Variants in MTNAP1 observed in about 807,000 individuals in gnomAD.
MTNAP1 encodes mitochondrial nucleoid associated protein 1.
chr17:73,235,046 A>G, the MTNAP1 span, among the ~76,000 whole-genome samples: 1 of 151,774 alleles, frequency 6.6e-6, no homozygotes, highest in Non-Finnish European at 1.5e-5. Context: ...ACACGGTGAA[A>G]CCCCGTCTTT....
chr17:73,235,915 A>C, the MTNAP1 span: 1 of 1,614,204 alleles, frequency 6.2e-7, no homozygotes, highest in Non-Finnish European at 8.5e-7. Context: ...CGCATCAGAG[A>C]AAACCTCTCC....
At chr17:73,241,019 A>T in the MTNAP1 span, among the ~76,000 whole-genome samples, 1 of 152,236 alleles carries the variant, frequency 6.6e-6, no homozygotes, top group Non-Finnish European at 1.5e-5. Context: ...CACACTTGCT[A>T]AACCTGTTGT....
the MTNAP1 span, chr17:73,247,405 C>T: frequency 6.5e-7 from 1 of 1,535,920 alleles, no homozygotes; most frequent in African/African-American, 1.4e-5. Flanking sequence ...CCCTGTGTTG[C>T]CCACTGAATT....
the MTNAP1 span, chr17:73,232,455 G>A: frequency 2.4e-6 from 2 of 841,670 alleles, no homozygotes; most frequent in Non-Finnish European, 3.5e-6. Context: ...CCCCTGGGGT[G>A]GCAGAAGCGC....
At chr17:73,236,571 C>G in the MTNAP1 span, 147 of 1,614,146 alleles carry the variant, frequency 9.1e-5, no homozygotes, top group Non-Finnish European at 1.2e-4. Flanking sequence ...AGACGACTTA[C>G]CAGTTTCATT....
chr17:73,237,928 A>G, the MTNAP1 span, among the ~76,000 whole-genome samples: 6 of 152,242 alleles, frequency 3.9e-5, no homozygotes, highest in African/African-American at 1.4e-4. Flanking sequence ...AACAAAAGAA[A>G]AAATGTAGGC....
At chr17:73,235,380 C>A in the MTNAP1 span, 1 of 1,074,288 alleles carries the variant, frequency 9.3e-7, no homozygotes, top group Non-Finnish European at 1.3e-6. Flanking sequence ...AAACATCTAG[C>A]TTGTTCCAAA....
the MTNAP1 span, among the ~76,000 whole-genome samples, chr17:73,246,367 C>CAAA: frequency 2.0e-5 from 3 of 149,354 alleles, no homozygotes; most frequent in African/African-American, 7.4e-5. Context: ...TCCATCTCTA[C>CAAA]AAAAAAAAAA....
the MTNAP1 span, among the ~76,000 whole-genome samples, chr17:73,240,623 C>G: frequency 1.3e-5 from 2 of 152,248 alleles, no homozygotes; most frequent in African/African-American, 4.8e-5. Flanking sequence ...TTTTCTCACT[C>G]AGGCAAGACC....
the MTNAP1 span, chr17:73,242,314 C>A: frequency 3.7e-6 from 6 of 1,605,368 alleles, no homozygotes; most frequent in East Asian, 1.4e-4. Context: ...CAACCTCCAA[C>A]TTCTCTCTAA....
chr17:73,237,526 TGAG>T, the MTNAP1 span, among the ~76,000 whole-genome samples: 1 of 152,028 alleles, frequency 6.6e-6, no homozygotes, highest in Non-Finnish European at 1.5e-5. Flanking sequence ...CCCCAAGAGT[TGAG>T]GGTTACACTA....
At chr17:73,246,133 G>A in the MTNAP1 span, among the ~76,000 whole-genome samples, 33 of 152,296 alleles carry the variant, frequency 2.2e-4, no homozygotes, top group African/African-American at 7.9e-4. Flanking sequence ...CTAACGTAGA[G>A]GGTTAGTTAT....
chr17:73,237,991 G>A, the MTNAP1 span, among the ~76,000 whole-genome samples: 1 of 152,166 alleles, frequency 6.6e-6, no homozygotes, highest in Admixed American at 6.5e-5. Context: ...GGAAACAGGA[G>A]AGATGAGGCG....
At chr17:73,233,505 C>T in the MTNAP1 span, among the ~76,000 whole-genome samples, 1 of 152,218 alleles carries the variant, frequency 6.6e-6, no homozygotes, top group Non-Finnish European at 1.5e-5. Context: ...TGTAAACAAA[C>T]AGTCTGTGGC....
chr17:73,232,593 C>A, the MTNAP1 span: 70 of 351,194 alleles, frequency 2.0e-4, no homozygotes, highest in African/African-American at 1.1e-4. Flanking sequence ...TTAAAACAGG[C>A]GGACCTATCC....
the MTNAP1 span, among the ~76,000 whole-genome samples, chr17:73,242,635 ACT>A: frequency 2.4e-4 from 37 of 152,158 alleles, no homozygotes; most frequent in Non-Finnish European, 4.4e-4. Flanking sequence ...AGCCAGAAAA[ACT>A]CTAAACCTCA....
chr17:73,238,921 C>CTGTGTGTGTGTG, the MTNAP1 span, among the ~76,000 whole-genome samples: 2 of 150,860 alleles, frequency 1.3e-5, no homozygotes, highest in African/African-American at 4.9e-5. Context: ...CCATACTTTT[C>CTGTGTGTGTGTG]TGTGTGTGTG....
At chr17:73,233,821 C>T in the MTNAP1 span, among the ~76,000 whole-genome samples, 4 of 151,852 alleles carry the variant, frequency 2.6e-5, no homozygotes, top group South Asian at 4.1e-4. Flanking sequence ...TGCTGTGAGC[C>T]GAGATCGCGC....
the MTNAP1 span, chr17:73,236,997 TAAAC>T: frequency 7.8e-6 from 12 of 1,536,902 alleles, no homozygotes; most frequent in Non-Finnish European, 1.0e-5. Context: ...TCTCACAAGG[TAAAC>T]AAGCTTATTT....
Sources: allele counts gnomAD v4.1 joint callset (sites outside exome capture counted in the v4.1 genomes callset), GRCh38; gene constraint gnomAD v4.1.1; transcripts MANE v1.5; gene names NCBI Gene and HGNC (gene_info 2026-07-23, HGNC 2026-07-21).